USP3: variants seen among roughly 807,000 people sequenced by gnomAD.
The protein encoded by USP3 is ubiquitin carboxyl-terminal hydrolase 3.
A neutral mutation model predicts 72.3 loss-of-function variants in USP3; 20 were observed. The observed-to-expected ratio is 0.28, with a 90% CI of 0.19 to 0.40. USP3 has a LOEUF of 0.40. Ranked by LOEUF, USP3 falls within the 10% of genes least tolerant of loss-of-function variation. The probability of loss-of-function intolerance (pLI) is 1.00; values close to 1 mark genes in which losing one functional copy is unlikely to be tolerated. For synonymous variants in USP3, 222 were observed against 225.3 expected, an observed-to-expected ratio of 0.99 and a Z score of 0.13; for missense variants, 479 against 633.9, an observed-to-expected ratio of 0.76 and a Z score of 2.62.
chr15:63,538,262 C>A (rs2066189599), intron 3 of USP3, among the ~76,000 whole-genome samples: 1 of 152,108 alleles, frequency 6.6e-6, no homozygotes, highest in Non-Finnish European at 1.5e-5. Flanking sequence ...TTGTTTTAAT[C>A]AGCTTTCCCT....
At chr15:63,582,650 A>G (rs76984745) in intron 11 of USP3, among the ~76,000 whole-genome samples, 1,625 of 152,294 alleles carry the variant, frequency 0.011, 25 homozygotes, top group African/African-American at 0.029. Flanking sequence ...AGACCACTAC[A>G]TGGTCACCTT....
intron 4 of USP3, among the ~76,000 whole-genome samples, chr15:63,554,362 CTATT>C (rs1260719184): frequency 6.6e-6 from 1 of 152,124 alleles, no homozygotes; most frequent in Admixed American, 6.5e-5. Context: ...AGAAATGAAA[CTATT>C]TATATGTGAA....
chr15:63,590,527 T>G, intron 14 of USP3, 134 bp from the exon 15 acceptor site: 1 of 907,956 alleles, frequency 1.1e-6, no homozygotes, highest in Admixed American at 3.8e-5. Context: ...GGTAAAAACA[T>G]TAATTTAACA....
At chr15:63,582,119 T>G (rs1456971016) in intron 11 of USP3, among the ~76,000 whole-genome samples, 1 of 152,252 alleles carries the variant, frequency 6.6e-6, no homozygotes, top group Admixed American at 6.5e-5. Flanking sequence ...AGAAATTTTA[T>G]GTTTAGAAAC....
At chr15:63,519,928 G>A (rs1331340849) in intron 1 of USP3, among the ~76,000 whole-genome samples, 1 of 152,036 alleles carries the variant, frequency 6.6e-6, no homozygotes, top group Non-Finnish European at 1.5e-5. Flanking sequence ...ATATTTAGCT[G>A]GTGGGAGCAC....
intron 1 of USP3, among the ~76,000 whole-genome samples, chr15:63,526,173 TTCCAG>T (rs1595713700): frequency 6.6e-6 from 1 of 152,224 alleles, no homozygotes; most frequent in East Asian, 1.9e-4. Flanking sequence ...TAACAGCTAC[TTCCAG>T]TCTTTAAAAA....
At chr15:63,509,584 T>G (rs2065756307) in intron 1 of USP3, among the ~76,000 whole-genome samples, 1 of 152,190 alleles carries the variant, frequency 6.6e-6, no homozygotes, top group African/African-American at 2.4e-5. Context: ...GGTGATACTT[T>G]TTTCACATTA....
Position 63,553,548 on chromosome 15 carries a change from T to C in USP3, c.285-167T>C, listed in dbSNP as rs149865781. On this transcript the variant is annotated intron_variant, in intron 3 of 14. Transcript: ENST00000380324. This position sits in a 1 kb window ranked among gnomAD's most constrained non-coding sequence, Gnocchi z 4.2. ...CCTACGTGGCTTTTAAAAAAGACTCTTGAAAAACATTCCATTGTGAATTCC... is the reference window on the plus strand; with the variant it reads ...CCTACGTGGCTTTTAAAAAAGACTCCTGAAAAACATTCCATTGTGAATTCC... The C allele has an allele frequency of 6.9e-3, 3,463 of 500,966 alleles. 197 individuals carry two copies. In the Admixed American group the frequency reaches 0.1, roughly 15 times the overall value. 31.0% of individuals were successfully genotyped at this position (500,966 alleles called of 1,614,324 possible). A position where few individuals can be genotyped will look rare whatever the true frequency, so the allele number is the denominator to read the frequency against.
At chr15:63,524,201 A>T (rs962371554) in intron 1 of USP3, among the ~76,000 whole-genome samples, 2 of 152,256 alleles carry the variant, frequency 1.3e-5, no homozygotes, top group Admixed American at 6.5e-5. Flanking sequence ...GTGGCAGCTT[A>T]GTTGAAGATA....
intron 1 of USP3, among the ~76,000 whole-genome samples, chr15:63,516,078 A>G (rs191889219): frequency 5.5e-4 from 83 of 152,256 alleles, no homozygotes; most frequent in African/African-American, 1.4e-3. Flanking sequence ...TTTGGTTACT[A>G]TAGTGATTCA....
At position 63,558,238 on chromosome 15, in the gene USP3, C is replaced by G. The variant is rs775918166; in HGVS notation, c.533+50C>G. ...TGTCTGACATTAAAGGTTAAGAGCA[C>G]GGGCTCTGGCTCCCTATCTCGTCTG... is the stretch of plus-strand genomic sequence containing the variant. On this transcript the variant is annotated intron_variant, in intron 6 of 14. Transcript: ENST00000380324. 11 of 1,593,458 alleles carry G rather than the reference C, an allele frequency of 6.9e-6. No homozygotes were observed. In the Admixed American group the frequency reaches 8.4e-5, roughly 12 times the overall value.
Position 63,592,365 on chromosome 15 carries a change from G to A in USP3, c.*1539G>A, listed in dbSNP as rs76115381. The A allele has an allele frequency of 0.13, 18,266 of 137,754 alleles. 1,547 individuals are homozygous for A. The highest frequency in any genetic ancestry group is 0.2 in the South Asian group (909 of 4,440). The allele number at this position is 137,754 out of a possible 1,614,324, so 8.5% of individuals were successfully genotyped here. On this transcript the variant is annotated 3_prime_UTR_variant, in exon 15 of 15. Transcript: ENST00000380324. ...TTTTTTCTTTTTTTTGGTTGGGGGC[G>A]GTGGGGGTTGGTAGACATAGCCTAC...
chr15:63,561,855 C>A (rs556933680), intron 7 of USP3, among the ~76,000 whole-genome samples: 1 of 152,150 alleles, frequency 6.6e-6, no homozygotes, highest in Admixed American at 6.5e-5. Context: ...CTCTGAGATA[C>A]CAATCAAGTA....
At chr15:63,558,950 GGT>G (rs2066558516) in intron 6 of USP3, among the ~76,000 whole-genome samples, 2 of 152,162 alleles carry the variant, frequency 1.3e-5, no homozygotes, top group African/African-American at 4.8e-5. Flanking sequence ...AGAGCTGCCT[GGT>G]GGAGGGCTAG....
In USP3 at chr15:63,588,488, G is replaced by A; in HGVS notation, c.1215+65G>A. 1 of 1,205,772 alleles carries A rather than the reference G, an allele frequency of 8.3e-7. No individual in the cohort carries two copies. Among genetic ancestry groups the A allele is most frequent in the Non-Finnish European group, 1.2e-6 (1 of 837,030 alleles). The allele number at this position is 1,205,772 out of a possible 1,614,324, so 74.7% of individuals were successfully genotyped here. A position where few individuals can be genotyped will look rare whatever the true frequency, so the allele number is the denominator to read the frequency against. The stretch of plus-strand genomic sequence containing the variant: ...GAAAGTGCTTGACTGCTAAGACCAT[G>A]TCTATAACTTTACACTATGTGAACT... On this transcript the variant is annotated intron_variant, in intron 12 of 14. Transcript: ENST00000380324. The surrounding 1 kb of genome is among the most constrained non-coding windows in gnomAD (Gnocchi z 4.6).
intron 8 of USP3, among the ~76,000 whole-genome samples, chr15:63,565,233 A>G (rs1272318035): frequency 6.6e-6 from 1 of 152,114 alleles, no homozygotes; most frequent in Non-Finnish European, 1.5e-5. Flanking sequence ...CACCCCCAAA[A>G]CACACACACC....
chr15:63,543,509 G>T (rs1234168506), intron 3 of USP3, among the ~76,000 whole-genome samples: 3 of 152,182 alleles, frequency 2.0e-5, no homozygotes, highest in Non-Finnish European at 4.4e-5. Flanking sequence ...TAGATTTGAT[G>T]ATTGTGTGCC....
At chr15:63,521,810 A>G (rs2065924284) in intron 1 of USP3, among the ~76,000 whole-genome samples, 1 of 152,188 alleles carries the variant, frequency 6.6e-6, no homozygotes, top group African/African-American at 2.4e-5. Flanking sequence ...GGACAAGACA[A>G]TTATACATGG....
intron 8 of USP3, among the ~76,000 whole-genome samples, chr15:63,567,369 C>T (rs977747697): frequency 9.6e-5 from 11 of 114,412 alleles, no homozygotes; most frequent in South Asian, 5.7e-4. Context: ...TTTTTTGAGA[C>T]GGAGTCTCGC....
Sources: gnomAD v4.1 joint callset for allele counts (sites outside exome capture counted in the v4.1 genomes callset) on GRCh38, gnomAD v4.1.1 for gene constraint, Gnocchi (gnomAD v3.1) non-coding constraint, MANE v1.5 for transcripts, NCBI Gene and HGNC (gene_info 2026-07-23, HGNC 2026-07-21) for gene names.